Variants in PRPF38B observed in about 807,000 individuals in gnomAD.
The protein encoded by PRPF38B is pre-mRNA-splicing factor 38B.
A neutral mutation model predicts 67.2 loss-of-function variants in PRPF38B; 18 were observed. The observed-to-expected ratio is 0.27, with a 90% CI of 0.19 to 0.40. The LOEUF is 0.40. PRPF38B is among the 10% of genes least tolerant of loss of function. The probability of loss-of-function intolerance (pLI) is 1.00; values close to 1 mark genes in which losing one functional copy is unlikely to be tolerated. For synonymous variants in PRPF38B, 246 were observed against 234.2 expected (o/e 1.05, Z -0.46); for missense variants, 544 against 684.9 (o/e 0.79, Z 2.30).
chr1:108,699,916 AGT>A lies in PRPF38B; in HGVS notation c.1539_1540del (p.Ser513ArgfsTer2). On this transcript the variant is annotated frameshift_variant, in exon 6 of 6. Transcript: ENST00000370025. LOFTEE classifies it high-confidence loss of function. ...SKERSHKRDH[S>X]DSKDQSDKHD... ...AGAACGTTCCCACAAACGAGATCAC[AGT>A]GATAGTAAGGACCAGTCAGACAAAC... 6.2e-7 allele frequency: 1 copy of A among 1,614,210 alleles called. No homozygotes were observed. Among genetic ancestry groups the A allele is most frequent in the Non-Finnish European group, 8.5e-7 (1 of 1,180,024 alleles).
At chr1:108,693,655 A>C (rs1388878361) in intron 1 of PRPF38B, 1 of 967,286 alleles carries the variant, frequency 1.0e-6, no homozygotes, top group Non-Finnish European at 1.2e-6. Flanking sequence ...ATGCACTATT[A>C]ATCATGCTCA....
chr1:108,692,645 G>A lies in PRPF38B; in HGVS notation c.54G>A (p.Ala18=). 1.2e-6 allele frequency: 2 copies of A among 1,610,448 alleles called. No individual in the cohort carries two copies. The highest frequency in any genetic ancestry group is 1.7e-6 in the Non-Finnish European group (2 of 1,178,928). ...GCAACTCGCAGCCGCAGCACCAGGC[G>A]GCTGCAGCTGCGGCTCAGCAACAGC... The part of the protein sequence containing the change: ...LTGNSQPQHQ[A]AAAAAQQQQQ... The change falls in exon 1 of 6, where the codon GCG becomes GCA. Residue 18 remains alanine (A), a synonymous_variant. Coordinates refer to ENST00000370025, the MANE Select transcript of PRPF38B (RefSeq NM_018061.4).
At chr1:108,695,831 G>A in intron 2 of PRPF38B, 61 bp downstream of exon 2, 1 of 1,551,178 alleles carries the variant, frequency 6.4e-7, no homozygotes, top group Non-Finnish European at 8.8e-7. Flanking sequence ...TTTATATTTA[G>A]AGAACTAGAG....
chr1:108,699,779 CAAAT>C lies in PRPF38B; in HGVS notation c.1404_1407del (p.Lys469GlufsTer61), dbSNP rs1459074601. ...CATAAAAATGAAAGTAAAGAAAAAT[CAAAT>C]AAACGAAGTCGAAGTGGCAGTCAAG... On this transcript the variant is annotated frameshift_variant, in exon 6 of 6. Coordinates refer to ENST00000370025, the MANE Select transcript of PRPF38B (RefSeq NM_018061.4). LOFTEE classifies it high-confidence loss of function. 5.6e-6 allele frequency: 9 copies of C among 1,612,780 alleles called. No individual in the cohort carries two copies. Among genetic ancestry groups the C allele is most frequent in the Non-Finnish European group, 6.8e-6 (8 of 1,179,758 alleles).
At chr1:108,698,876 AAATT>A in intron 5 of PRPF38B, 49 bp downstream of exon 5, 1 of 1,491,778 alleles carries the variant, frequency 6.7e-7, no homozygotes, top group Non-Finnish European at 9.2e-7. Flanking sequence ...GCTTTATACA[AAATT>A]AATGGTTCTG....
At position 108,699,149 on chromosome 1, in the gene PRPF38B, C is replaced by T. The variant is rs1378695582; in HGVS notation, c.783-13C>T. The T allele has an allele frequency of 6.4e-7, 1 of 1,572,426 alleles. No individual in the cohort carries two copies. Among genetic ancestry groups the T allele is most frequent in the East Asian group, 2.2e-5 (1 of 44,524 alleles). ...ATTCATTGAAATTTTCTTTCTCCCT[C>T]CGCCTTCCTTAGGTCTCCAAGGAGA... is the stretch of plus-strand genomic sequence containing the variant. On this transcript the variant is annotated splice_polypyrimidine_tract_variant and intron_variant, in intron 5 of 5. Transcript: ENST00000370025.
chr1:108,693,369 A>AG (rs1181525948), intron 1 of PRPF38B, among the ~76,000 whole-genome samples: 1 of 151,692 alleles, frequency 6.6e-6, no homozygotes, highest in Non-Finnish European at 1.5e-5. Flanking sequence ...TGGGGGGATG[A>AG]GGGTGGAGAG....
chr1:108,693,524 T>G, intron 1 of PRPF38B: 1 of 804,604 alleles, frequency 1.2e-6, no homozygotes, highest in Non-Finnish European at 1.5e-6. Context: ...CTGGCTTGGC[T>G]GTGCTGGGGA....
In PRPF38B at chr1:108,692,351, C is replaced by T. The variant is rs969621764; in HGVS notation, c.-241C>T. 5 of 557,876 alleles carry T rather than the reference C, an allele frequency of 9.0e-6. No individual in the cohort carries two copies. Among genetic ancestry groups the T allele is most frequent in the African/African-American group, 3.8e-5 (2 of 52,152 alleles). 34.6% of individuals were successfully genotyped at this position (557,876 alleles called of 1,614,324 possible). A position where few individuals can be genotyped will look rare whatever the true frequency, so the allele number is the denominator to read the frequency against. ...CAGTTGGCGGAAGAGATCGAGCTCC[C>T]TGGCTGCCGGCTCGCCTTCTGCGTG... is the stretch of plus-strand genomic sequence containing the variant. On this transcript the variant is annotated 5_prime_UTR_variant, in exon 1 of 6. Coordinates refer to ENST00000370025, the MANE Select transcript of PRPF38B (RefSeq NM_018061.4).
At chr1:108,693,854 C>T (rs1289517608) in intron 1 of PRPF38B, among the ~76,000 whole-genome samples, 1 of 152,156 alleles carries the variant, frequency 6.6e-6, no homozygotes, top group African/African-American at 2.4e-5. Flanking sequence ...TTAATAATAG[C>T]CTTAGTGGTC....
intron 5 of PRPF38B, 144 bp downstream of exon 5, chr1:108,698,971 T>C: frequency 7.4e-7 from 1 of 1,347,688 alleles, no homozygotes; most frequent in Non-Finnish European, 9.9e-7. Context: ...GATTATTTTC[T>C]TCCTTTCAGG....
intron 1 of PRPF38B, among the ~76,000 whole-genome samples, chr1:108,694,756 T>A (rs182296406): frequency 5.3e-5 from 8 of 150,944 alleles, no homozygotes; most frequent in African/African-American, 7.4e-5. Context: ...GATTTTTTTT[T>A]ATGTTTTTAA....
Position 108,699,968 on chromosome 1 carries a change from TAGA to T in PRPF38B, c.1591_1593del (p.Glu531del). On this transcript the variant is annotated inframe_deletion, in exon 6 of 6. Coordinates refer to ENST00000370025, the MANE Select transcript of PRPF38B (RefSeq NM_018061.4). The stretch of plus-strand genomic sequence containing the variant: ...CATGATCGTCGAAGGAGCCAAAGTA[TAGA>T]ACAAGAGAGCCAAGAAAAACAGCAT... The T allele has an allele frequency of 6.2e-7, 1 of 1,607,714 alleles. No individual in the cohort carries two copies. Among genetic ancestry groups the T allele is most frequent in the Non-Finnish European group, 8.5e-7 (1 of 1,178,504 alleles).
rs749332067 is a variant in PRPF38B at position 108,699,892 on chromosome 1, G to C, written c.1513G>C (p.Glu505Gln). 7.4e-6 allele frequency: 12 copies of C among 1,614,018 alleles called. No individual in the cohort carries two copies. The highest frequency in any genetic ancestry group is 9.3e-6 in the Non-Finnish European group (11 of 1,180,026). The stretch of plus-strand genomic sequence containing the variant: ...ATCTAGAAAGCGTAGTAGAAGCAAA[G>C]AACGTTCCCACAAACGAGATCACAG... The part of the protein sequence containing the change: ...EKSRKRSRSK[E>Q]RSHKRDHSDS... Residue 505 changes from glutamate to glutamine, a missense_variant, in exon 6 of 6, where the codon GAA becomes CAA. Transcript: ENST00000370025.
rs199535509 is a variant in PRPF38B, at chr1:108,699,407, G to A, written c.1028G>A (p.Arg343His). Residue 343 changes from arginine to histidine, a missense_variant, in exon 6 of 6, where the codon CGT (arginine) becomes CAT (histidine). Around this residue, in one of 5 missense-constraint regions of PRPF38B, gnomAD observed 387 missense variants for 386.1 expected, o/e 1.00. Coordinates refer to ENST00000370025, the MANE Select transcript of PRPF38B (RefSeq NM_018061.4). ...RERHRSRSRS[R>H]DRKGDRRDRD... is the part of the protein sequence containing the mutation. Reference sequence around the variant, plus strand: ...AGGCATAGAAGTCGCAGTCGAAGTCGTGATAGGAAAGGGGATAGAAGGGAC... The same window carrying A: ...AGGCATAGAAGTCGCAGTCGAAGTCATGATAGGAAAGGGGATAGAAGGGAC... The A allele has an allele frequency of 3.0e-5, 48 of 1,614,086 alleles. No individual in the cohort carries two copies. Among genetic ancestry groups the A allele is most frequent in the South Asian group, 2.5e-4 (23 of 91,076 alleles).
intron 1 of PRPF38B, among the ~76,000 whole-genome samples, chr1:108,693,254 AC>A (rs1379081497): frequency 6.6e-6 from 1 of 150,904 alleles, no homozygotes; most frequent in Admixed American, 6.6e-5. Flanking sequence ...TCTCCCGCTC[AC>A]CCCTGGCCAG....
In PRPF38B at chr1:108,700,558, G is replaced by A. The variant is rs1402801236; in HGVS notation, c.*538G>A. On this transcript the variant is annotated 3_prime_UTR_variant, in exon 6 of 6. Coordinates refer to ENST00000370025, the MANE Select transcript of PRPF38B (RefSeq NM_018061.4). ...TGTCTACTGTATATTATCTTGGAAG[G>A]CTCTTGTTAATATGTTACACTTAAT... The A allele has an allele frequency of 2.0e-5, 3 of 152,716 alleles. No homozygotes were observed. The highest frequency in any genetic ancestry group is 7.2e-5 in the African/African-American group (3 of 41,426). The allele number at this position is 152,716 out of a possible 1,614,324, so 9.5% of individuals were successfully genotyped here. A position where few individuals can be genotyped will look rare whatever the true frequency, so the allele number is the denominator to read the frequency against.
At chr1:108,698,888 C>T in intron 5 of PRPF38B, 61 bp downstream of exon 5, 1 of 1,437,404 alleles carries the variant, frequency 7.0e-7, no homozygotes, top group Non-Finnish European at 9.5e-7. Flanking sequence ...ATTAATGGTT[C>T]TGAGAAATAG....
In PRPF38B at chr1:108,698,806, ATGTTGAACGCAGACG is replaced by A. The variant is rs753035240; in HGVS notation, c.763_777del (p.Val255_Arg259del). 6.2e-7 allele frequency: 1 copy of A among 1,613,284 alleles called. No homozygotes were observed. The highest frequency in any genetic ancestry group is 1.1e-5 in the South Asian group (1 of 91,058). On this transcript the variant is annotated inframe_deletion, in exon 5 of 6. Transcript: ENST00000370025. The stretch of plus-strand genomic sequence containing the variant: ...GAAGGTGCTGAGGAAATAGACAGAC[ATGTTGAACGCAGACG>A]TTCAAGGTAATGTCACTCTTGAATT...
Sources: gnomAD v4.1 joint callset for allele counts (sites outside exome capture counted in the v4.1 genomes callset) on GRCh38, gnomAD v4.1.1 for gene constraint, gnomAD v4.1.1 regional missense constraint, MANE v1.5 for transcripts, NCBI Gene and HGNC (gene_info 2026-07-23, HGNC 2026-07-21) for gene names.